NRXN3: variants seen among roughly 807,000 people sequenced by gnomAD.
The protein encoded by NRXN3 is neurexin III.
In NRXN3, 32 loss-of-function variants were observed where a neutral mutation model predicts 137.6. The ratio of observed to expected loss-of-function variants is 0.23; its 90% CI spans 0.18 to 0.31. The LOEUF (loss-of-function observed/expected upper bound fraction) is 0.31, where lower values mean the gene tolerates loss of function less well. Among genes scored for constraint, NRXN3 ranks in the 10% least tolerant of loss-of-function variants. NRXN3 has a pLI of 1.00. For missense variants in NRXN3, 1,574 were observed against 2,062.5 expected, an observed-to-expected ratio of 0.76 and a Z score of 4.59; for synonymous variants, 798 against 784.5, an observed-to-expected ratio of 1.02 and a Z score of -0.29.
chr14:78,965,370 G>T (rs1029374300), intron 11 of NRXN3, among the ~76,000 whole-genome samples: 1 of 152,122 alleles, frequency 6.6e-6, no homozygotes, highest in Non-Finnish European at 1.5e-5. Context: ...TGTAATGACC[G>T]CTTTTTAAGT....
chr14:78,550,030 C>CTT (rs3032366), intron 4 of NRXN3, among the ~76,000 whole-genome samples: 6 of 117,068 alleles, frequency 5.1e-5, no homozygotes, highest in South Asian at 2.9e-4. Flanking sequence ...ATTCTGCAAA[C>CTT]TTTTTTTTTT....
chr14:78,300,800 G>T, intron 4 of NRXN3: 1 of 716,814 alleles, frequency 1.4e-6, no homozygotes, highest in Non-Finnish European at 2.3e-6. Flanking sequence ...ATAAATTAAT[G>T]CTTTTAACAA....
rs530568229 is a variant in NRXN3, at chr14:79,378,870, C to T, written c.3263-88351C>T. Among the ~76,000 whole-genome samples, 6 of 134,396 alleles carry T rather than the reference C, an allele frequency of 4.5e-5. No individual in the cohort carries two copies. In the East Asian group the frequency reaches 8.9e-4, roughly 20 times the overall value. 88.2% of individuals were successfully genotyped at this position (134,396 alleles called of 152,430 possible). Reference sequence around the variant, plus strand: ...CTTGCTGAATGAGAGAATAAATGAACAGATTTAAAAAAAAAAAAAAACCCT... The same window carrying T: ...CTTGCTGAATGAGAGAATAAATGAATAGATTTAAAAAAAAAAAAAAACCCT... On this transcript the variant is annotated intron_variant, in intron 15 of 20. Transcript: ENST00000335750.
intron 15 of NRXN3, among the ~76,000 whole-genome samples, chr14:79,190,762 A>G (rs1568552444): frequency 6.6e-6 from 1 of 152,168 alleles, no homozygotes; most frequent in Admixed American, 6.5e-5. Context: ...GGGAAACTTG[A>G]TCTGGTTTAT....
intron 14 of NRXN3, among the ~76,000 whole-genome samples, chr14:78,983,081 A>T (rs553794892): frequency 3.9e-5 from 6 of 152,330 alleles, no homozygotes; most frequent in Admixed American, 2.0e-4. Flanking sequence ...TGAAACCATG[A>T]TGAGATATCA....
intron 1 of NRXN3, among the ~76,000 whole-genome samples, chr14:78,172,440 G>C (rs910811280): frequency 6.6e-6 from 1 of 152,072 alleles, no homozygotes; most frequent in Non-Finnish European, 1.5e-5. Flanking sequence ...AAGGATGGAG[G>C]GGAGTGAGAG....
At chr14:78,266,725 T>C (rs2071803352) in intron 2 of NRXN3, among the ~76,000 whole-genome samples, 1 of 152,196 alleles carries the variant, frequency 6.6e-6, no homozygotes, top group Admixed American at 6.5e-5. Context: ...GCAATATGCA[T>C]GGGCCTCAGA....
intron 4 of NRXN3, among the ~76,000 whole-genome samples, chr14:78,531,154 A>G (rs766460280): frequency 1.1e-4 from 16 of 152,158 alleles, no homozygotes; most frequent in Non-Finnish European, 1.6e-4. Flanking sequence ...TCTCATGGCA[A>G]TAGACATCCT....
Position 78,170,415 on chromosome 14 carries a change from T to A in NRXN3, c.-963T>A, listed in dbSNP as rs1566888786. The A allele has an allele frequency of 6.6e-6, 1 of 152,240 alleles. No individual in the cohort carries two copies. The highest frequency in any genetic ancestry group is 1.5e-5 in the Non-Finnish European group (1 of 68,082). 9.4% of individuals were successfully genotyped at this position (152,240 alleles called of 1,614,324 possible). A position where few individuals can be genotyped will look rare whatever the true frequency, so the allele number is the denominator to read the frequency against. ...TCAGCCCTACACATCGCCTCTTGCA[T>A]GCAACTCACAGAGAGGGAGAGGCAA... On this transcript the variant is annotated 5_prime_UTR_variant, in exon 1 of 21. It removes an upstream start codon present in the reference 5' UTR. Transcript: ENST00000335750.
chr14:79,508,072 T>G (rs2096894748), intron 16 of NRXN3, among the ~76,000 whole-genome samples: 1 of 152,120 alleles, frequency 6.6e-6, no homozygotes. Context: ...TTGGGCTCTA[T>G]TTTGGGCTGT....
intron 15 of NRXN3, among the ~76,000 whole-genome samples, chr14:79,344,632 C>T (rs2092778288): frequency 6.6e-6 from 1 of 152,006 alleles, no homozygotes; most frequent in South Asian, 2.1e-4. Flanking sequence ...CTTTTTTATT[C>T]CTAAATGTAT....
At chr14:78,931,875 G>A (rs577393001) in intron 10 of NRXN3, among the ~76,000 whole-genome samples, 1 of 152,192 alleles carries the variant, frequency 6.6e-6, no homozygotes, top group Admixed American at 6.6e-5. Context: ...GGCTGGGCGC[G>A]GTGGCTCACA....
At chr14:79,845,400 C>G (rs2099365025) in intron 20 of NRXN3, among the ~76,000 whole-genome samples, 2 of 152,196 alleles carry the variant, frequency 1.3e-5, no homozygotes, top group Non-Finnish European at 2.9e-5. Context: ...TCACTAAGCT[C>G]AATCATTTCT....
intron 15 of NRXN3, among the ~76,000 whole-genome samples, chr14:79,362,849 C>T (rs1252492264): frequency 7.2e-5 from 11 of 152,058 alleles, no homozygotes; most frequent in Admixed American, 3.3e-4. Context: ...TGGCATATGC[C>T]GTTATTTTAG....
At chr14:78,248,428 CT>C (rs1046772039) in intron 2 of NRXN3, among the ~76,000 whole-genome samples, 88 of 143,330 alleles carry the variant, frequency 6.1e-4, no homozygotes, top group African/African-American at 9.1e-4. Context: ...ATTTCAATTT[CT>C]TTTTTTTTTT....
intron 1 of NRXN3, among the ~76,000 whole-genome samples, chr14:78,231,792 A>G (rs1427707229): frequency 1.3e-5 from 2 of 152,256 alleles, no homozygotes; most frequent in Non-Finnish European, 2.9e-5. Flanking sequence ...TACTTGGCAT[A>G]GCGCGTTGCC....
At chr14:79,408,043 A>G (rs2095347626) in intron 15 of NRXN3, among the ~76,000 whole-genome samples, 1 of 152,172 alleles carries the variant, frequency 6.6e-6, no homozygotes, top group Non-Finnish European at 1.5e-5. Context: ...GTTGAAATTA[A>G]GAAGAACTCA....
chr14:79,176,993 A>G (rs532332435), intron 15 of NRXN3, among the ~76,000 whole-genome samples: 1 of 152,212 alleles, frequency 6.6e-6, no homozygotes, highest in African/African-American at 2.4e-5. Context: ...TAAGTGAAAT[A>G]AGGAGTGTGG....
chr14:79,531,874 A>T (rs1404471429), intron 16 of NRXN3, among the ~76,000 whole-genome samples: 2 of 152,338 alleles, frequency 1.3e-5, no homozygotes, highest in East Asian at 3.9e-4. Flanking sequence ...CTAAGGTAAT[A>T]GACATAACAT....
Sources: gnomAD v4.1 joint callset for allele counts (sites outside exome capture counted in the v4.1 genomes callset) on GRCh38, gnomAD v4.1.1 for gene constraint, MANE v1.5 for transcripts, NCBI Gene and HGNC (gene_info 2026-07-23, HGNC 2026-07-21) for gene names.